INVS: variants seen among roughly 807,000 people sequenced by gnomAD.
INVS encodes inversin.
In INVS, 86 loss-of-function variants were observed where a neutral mutation model predicts 108.8. The ratio of observed to expected loss-of-function variants is 0.79; its 90% confidence interval spans 0.66 to 0.95. The LOEUF is 0.95. INVS is among the 40% of genes least tolerant of loss of function. The pLI is 0.00. For synonymous variants in INVS, 455 were observed against 473.5 expected (o/e 0.96, Z 0.51); for missense variants, 1,169 against 1,297.4 (o/e 0.90, Z 1.52).
At chr9:100,206,138 A>G (rs183144854) in intron 3 of INVS, among the ~76,000 whole-genome samples, 1 of 152,146 alleles carries the variant, frequency 6.6e-6, no homozygotes, top group Non-Finnish European at 1.5e-5. Context: ...GAATACTGTG[A>G]ATATTAAGTA....
At chr9:100,275,920 C>T (rs1248114533) in intron 12 of INVS, among the ~76,000 whole-genome samples, 3 of 152,168 alleles carry the variant, frequency 2.0e-5, no homozygotes, top group African/African-American at 7.2e-5. Flanking sequence ...CCTGCCAAAG[C>T]ACACGGTTGA....
chr9:100,251,847 A>T (rs1271319793), intron 8 of INVS, among the ~76,000 whole-genome samples: 1 of 152,204 alleles, frequency 6.6e-6, no homozygotes, highest in Non-Finnish European at 1.5e-5. Context: ...GGAACAGTAG[A>T]TTGATGTCTC....
chr9:100,241,198 AATT>A (rs1238543131), intron 6 of INVS, among the ~76,000 whole-genome samples: 1 of 151,930 alleles, frequency 6.6e-6, no homozygotes, highest in African/African-American at 2.4e-5. Flanking sequence ...CCAGATTTAG[AATT>A]ATTATTCAGA....
intron 3 of INVS, among the ~76,000 whole-genome samples, chr9:100,221,305 A>AT (rs67905235): frequency 0.32 from 46,971 of 145,384 alleles, 8,136 homozygotes; most frequent in Non-Finnish European, 0.41. Flanking sequence ...ATACAGGACA[A>AT]TTTTTTTTTT....
chr9:100,162,153 G>A (rs192069351), intron 3 of INVS, among the ~76,000 whole-genome samples: 83 of 152,298 alleles, frequency 5.4e-4, no homozygotes, highest in African/African-American at 1.7e-3. Context: ...CAGAAATGCA[G>A]TCTATGCTCT....
chr9:100,190,978 A>G (rs1052520688), intron 3 of INVS, among the ~76,000 whole-genome samples: 3 of 151,830 alleles, frequency 2.0e-5, no homozygotes, highest in Admixed American at 6.6e-5. Flanking sequence ...CTCCCACCTT[A>G]GCCTCCTGAG....
chr9:100,161,715 C>G (rs933581363), intron 3 of INVS, among the ~76,000 whole-genome samples: 7 of 152,120 alleles, frequency 4.6e-5, no homozygotes, highest in African/African-American at 1.7e-4. Flanking sequence ...AGGAGCAAGA[C>G]AGAAAACTGA....
intron 3 of INVS, among the ~76,000 whole-genome samples, chr9:100,198,259 C>G (rs1830435438): frequency 9.8e-6 from 1 of 102,004 alleles, no homozygotes; most frequent in African/African-American, 3.8e-5. Context: ...AGATTGAGGG[C>G]TAGAATTTTT....
chr9:100,278,813 A>G (rs563073436), intron 12 of INVS, among the ~76,000 whole-genome samples: 20 of 152,274 alleles, frequency 1.3e-4, no homozygotes, highest in Admixed American at 1.2e-3. Flanking sequence ...CATCCTCACA[A>G]TGCTCTTTGA....
Position 100,185,464 on chromosome 9 carries a change from ATT to A in INVS, c.274-40589_274-40588del, listed in dbSNP as rs202151949. ...TGTTCTTGAAGTTTTTATAAATAGAATTTTTTTTTTGCTGTCTACAAGAGAAA... is the reference window on the plus strand; with the variant it reads ...TGTTCTTGAAGTTTTTATAAATAGAATTTTTTTTGCTGTCTACAAGAGAAA... On this transcript the variant is annotated intron_variant, in intron 3 of 16. Transcript: ENST00000262457. Among the ~76,000 whole-genome samples the A allele has an allele frequency of 2.9e-5, 4 of 139,600 alleles. No individual in the cohort carries two copies. In the East Asian group the frequency reaches 6.6e-4, roughly 23 times the overall value. 91.6% of individuals were successfully genotyped at this position (139,600 alleles called of 152,430 possible).
chr9:100,234,152 T>C (rs566398400), intron 5 of INVS, among the ~76,000 whole-genome samples: 1 of 152,348 alleles, frequency 6.6e-6, no homozygotes, highest in African/African-American at 2.4e-5. Context: ...TCCAGTTTAT[T>C]TGCATGGAAG....
chr9:100,284,543 C>G lies in INVS; in HGVS notation c.2008C>G (p.Leu670Val), dbSNP rs754291892. 6.2e-7 allele frequency: 1 copy of G among 1,613,962 alleles called. No individual in the cohort carries two copies. The highest frequency in any genetic ancestry group is 8.5e-7 in the Non-Finnish European group (1 of 1,179,884). Residue 670 changes from leucine to valine, a missense_variant, in exon 13 of 17, where the codon CTC becomes GTC. This residue lies in a region of INVS where 533 missense variants were observed against 536.0 expected (regional missense o/e 0.99). Transcript: ENST00000262457. ...GSPGGSLGGALQKEQHVSSDL... is the reference protein window; with the variant it reads ...GSPGGSLGGAVQKEQHVSSDL... ...TCCAGGAGGGTCTCTAGGCGGAGCC[C>G]TCCAGAAGGAGCAGCATGTTTCCTC...
chr9:100,100,928 A>AAT (rs1554712579), intron 1 of INVS, among the ~76,000 whole-genome samples: 18 of 23,230 alleles, frequency 7.7e-4, no homozygotes, highest in Non-Finnish European at 1.2e-3. Flanking sequence ...GTATATATAT[A>AAT]ATATATATAA....
At chr9:100,102,532 C>T (rs145067974) in intron 1 of INVS, 1 of 152,116 alleles carries the variant, frequency 6.6e-6, no homozygotes, top group African/African-American at 2.4e-5. Context: ...GACGGCAAGA[C>T]CTAGATACCT....
intron 3 of INVS, among the ~76,000 whole-genome samples, chr9:100,185,516 A>AAT (rs35603398): frequency 0.025 from 2,752 of 109,728 alleles, 45 homozygotes; most frequent in East Asian, 0.057. Flanking sequence ...TATGCATAGA[A>AAT]ATATATATAT....
At chr9:100,117,329 A>G in intron 2 of INVS, 1 of 732,774 alleles carries the variant, frequency 1.4e-6, no homozygotes, top group Non-Finnish European at 2.5e-6. Context: ...CTCGTCCTTG[A>G]GAGAGGCCCC....
At chr9:100,243,593 C>G (rs1349587247) in intron 7 of INVS, among the ~76,000 whole-genome samples, 1 of 152,206 alleles carries the variant, frequency 6.6e-6, no homozygotes, top group African/African-American at 2.4e-5. Context: ...TAGGCTACTT[C>G]AGCTTCCTGA....
intron 12 of INVS, among the ~76,000 whole-genome samples, chr9:100,273,311 A>G (rs1427066182): frequency 3.9e-5 from 6 of 151,982 alleles, no homozygotes; most frequent in Non-Finnish European, 7.4e-5. Context: ...ACTAGTCCCA[A>G]TGTTTCAGCC....
intron 3 of INVS, among the ~76,000 whole-genome samples, chr9:100,152,137 C>A (rs1471739023): frequency 2.0e-5 from 3 of 152,132 alleles, no homozygotes; most frequent in African/African-American, 4.8e-5. Flanking sequence ...TGTTATACCA[C>A]CTTTTACACT....
Sources: allele counts gnomAD v4.1 joint callset (sites outside exome capture counted in the v4.1 genomes callset), GRCh38; gene constraint gnomAD v4.1.1; regional missense constraint gnomAD v4.1.1; transcripts MANE v1.5; gene names NCBI Gene and HGNC (gene_info 2026-07-23, HGNC 2026-07-21).